Variants in PKHD1 observed in about 807,000 individuals in gnomAD.
PKHD1 encodes the protein PKHD1 ciliary IPT domain containing fibrocystin/polyductin.
A neutral mutation model predicts 412.0 loss-of-function variants in PKHD1; 291 were observed. The observed-to-expected ratio is 0.71, with a 90% CI of 0.64 to 0.78. PKHD1 has a LOEUF of 0.78. PKHD1 is among the 30% of genes least tolerant of loss of function. The pLI is 0.00. For missense variants in PKHD1, 4,825 were observed against 4,950.7 expected (o/e 0.97, Z 0.76); for synonymous variants, 1,777 against 1,821.5 (o/e 0.98, Z 0.62).
chr6:52,035,793 A>G (rs1420550983), intron 27 of PKHD1, 72 bp from the exon 28 acceptor site: 2 of 1,408,916 alleles, frequency 1.4e-6, no homozygotes, highest in Non-Finnish European at 2.0e-6. Flanking sequence ...TATGCACAAG[A>G]TGGATAAAAT....
chr6:51,670,557 A>C (rs1475019302), intron 60 of PKHD1, among the ~76,000 whole-genome samples: 2 of 150,730 alleles, frequency 1.3e-5, no homozygotes, highest in African/African-American at 2.4e-5. Flanking sequence ...ATTTAAAGTT[A>C]ATATTGTTAT....
chr6:51,996,001 A>G (rs1283886167), intron 35 of PKHD1, among the ~76,000 whole-genome samples: 1 of 151,322 alleles, frequency 6.6e-6, no homozygotes, highest in African/African-American at 2.4e-5. Context: ...AGGATTAAAG[A>G]ACGGCAATTT....
intron 49 of PKHD1, among the ~76,000 whole-genome samples, chr6:51,854,904 A>G (rs1275976699): frequency 1.3e-5 from 2 of 152,242 alleles, no homozygotes; most frequent in Non-Finnish European, 2.9e-5. Flanking sequence ...CCTGAGCTCC[A>G]AACTGGGAGC....
intron 36 of PKHD1, among the ~76,000 whole-genome samples, chr6:51,937,309 A>G (rs752759105): frequency 3.3e-5 from 5 of 152,194 alleles, no homozygotes; most frequent in African/African-American, 7.2e-5. Context: ...ACCTCTCCCT[A>G]AAACATATAA....
intron 43 of PKHD1, among the ~76,000 whole-genome samples, chr6:51,887,483 A>G (rs559456938): frequency 6.6e-6 from 1 of 151,994 alleles, no homozygotes; most frequent in Admixed American, 6.5e-5. Flanking sequence ...CCAGTATTGG[A>G]GGTAGGGCCT....
intron 60 of PKHD1, among the ~76,000 whole-genome samples, chr6:51,704,690 T>C (rs757181609): frequency 3.3e-5 from 5 of 152,028 alleles, no homozygotes; most frequent in Non-Finnish European, 7.4e-5. Flanking sequence ...GTGGAGAGTG[T>C]ACTGTTGAAA....
intron 63 of PKHD1, among the ~76,000 whole-genome samples, chr6:51,642,358 A>G (rs969026613): frequency 2.0e-5 from 3 of 152,198 alleles, no homozygotes; most frequent in Non-Finnish European, 4.4e-5. Context: ...TGGGTTAGAA[A>G]TGAAGTGTGA....
chr6:52,049,183 C>T (rs1397152643), intron 22 of PKHD1, among the ~76,000 whole-genome samples: 1 of 152,176 alleles, frequency 6.6e-6, no homozygotes, highest in Admixed American at 6.5e-5. Context: ...TTACACAAAC[C>T]TAGATGGTAC....
At chr6:51,727,684 T>C (rs527799454) in intron 60 of PKHD1, among the ~76,000 whole-genome samples, 23 of 152,344 alleles carry the variant, frequency 1.5e-4, no homozygotes, top group African/African-American at 4.3e-4. Context: ...TTCTTCCCTT[T>C]GCTGCTGGTG....
At chr6:52,070,900 T>C in intron 9 of PKHD1, 106 bp downstream of exon 9, 1 of 755,764 alleles carries the variant, frequency 1.3e-6, no homozygotes, top group East Asian at 2.6e-5. Flanking sequence ...TAGTAATTAT[T>C]GTTATTATTA....
rs1372900985 is a variant in PKHD1 at position 52,017,424 on chromosome 6, C to T, written c.5586G>A (p.Ser1862=). The T allele has an allele frequency of 3.7e-6, 6 of 1,612,278 alleles. No individual in the cohort carries two copies. The highest frequency in any genetic ancestry group is 2.2e-5 in the East Asian group (1 of 44,882). The change falls in exon 34 of 67, where the codon TCG becomes TCA. Residue 1862 remains serine, a synonymous_variant. Transcript: ENST00000371117. ...HWAESMFPSF[S]GLFISPKLER... ...GGTAAAGTTACCTGATAAAGAGGCCCGAGAATGATGGAAACATTGACTCTG... is the reference window on the plus strand; with the variant it reads ...GGTAAAGTTACCTGATAAAGAGGCCTGAGAATGATGGAAACATTGACTCTG...
chr6:52,043,207 T>C (rs943784832), intron 26 of PKHD1, 73 bp from the exon 27 acceptor site: 1 of 1,193,262 alleles, frequency 8.4e-7, no homozygotes, highest in African/African-American at 1.5e-5. Flanking sequence ...GAGAGACCTC[T>C]CACTATCATC....
chr6:51,774,582 A>T (rs1233844469), intron 54 of PKHD1, among the ~76,000 whole-genome samples: 1 of 152,012 alleles, frequency 6.6e-6, no homozygotes, highest in Non-Finnish European at 1.5e-5. Context: ...CATGCATGGA[A>T]AAAACCTTTG....
At chr6:52,026,513 A>G (rs1802208876) in intron 31 of PKHD1, among the ~76,000 whole-genome samples, 1 of 152,232 alleles carries the variant, frequency 6.6e-6, no homozygotes, top group African/African-American at 2.4e-5. Flanking sequence ...TAGTCTTCTT[A>G]TCATGTATTA....
rs368467585 is a variant in PKHD1, at chr6:52,022,915, A to G, written c.5266T>C (p.Phe1756Leu). 1.5e-5 allele frequency: 25 copies of G among 1,614,134 alleles called. No homozygotes were observed. The African/African-American group carries it at 2.8e-4, about 18-fold the overall frequency. The change falls in exon 33 of 67, where the codon TTT (phenylalanine) becomes CTT (leucine). Residue 1756 changes from phenylalanine to leucine, a missense_variant. Coordinates refer to ENST00000371117, the MANE Select transcript of PKHD1 (RefSeq NM_138694.4). Reference protein sequence around the residue: ...GCLGGRLVHVFGAGFSPGNVS... With the variant: ...GCLGGRLVHVLGAGFSPGNVS... ...TTCCCTGGAGAAAATCCCGCTCCAA[A>G]CACATGCACCAGCCTTCCACCCAGG...
intron 52 of PKHD1, among the ~76,000 whole-genome samples, chr6:51,807,479 ATGTATATG>A (rs1763995978): frequency 1.9e-5 from 2 of 103,488 alleles, no homozygotes; most frequent in African/African-American, 9.9e-5. Flanking sequence ...ATATATATAT[ATGTATATG>A]TGTGTGTGTG....
intron 52 of PKHD1, among the ~76,000 whole-genome samples, chr6:51,803,432 A>G (rs1250757067): frequency 6.6e-6 from 1 of 152,174 alleles, no homozygotes; most frequent in Non-Finnish European, 1.5e-5. Context: ...TGGATTCTAC[A>G]ACCTCTATCA....
chr6:51,801,366 C>A (rs1435151275), intron 52 of PKHD1, among the ~76,000 whole-genome samples: 2 of 152,124 alleles, frequency 1.3e-5, no homozygotes, highest in Non-Finnish European at 2.9e-5. Flanking sequence ...AGAGTTCATT[C>A]TCTTGTAGAA....
chr6:51,846,152 T>C (rs964083539), intron 50 of PKHD1, among the ~76,000 whole-genome samples: 2 of 152,334 alleles, frequency 1.3e-5, no homozygotes, highest in East Asian at 1.9e-4. Context: ...ATTTGAATGG[T>C]ATAATTCAGT....
Sources: allele counts gnomAD v4.1 joint callset (sites outside exome capture counted in the v4.1 genomes callset), GRCh38; gene constraint gnomAD v4.1.1; transcripts MANE v1.5; gene names NCBI Gene and HGNC (gene_info 2026-07-23, HGNC 2026-07-21).